ELF1: variants seen among roughly 807,000 people sequenced by gnomAD.
ELF1 encodes the protein ETS-related transcription factor Elf-1.
ELF1 carries 24 observed loss-of-function variants against 59.9 expected under a neutral mutation model. The observed-to-expected ratio is 0.40, with a 90% confidence interval of 0.29 to 0.56. The LOEUF (loss-of-function observed/expected upper bound fraction) is 0.56, where lower values mean the gene tolerates loss of function less well. Among genes scored for constraint, ELF1 ranks in the 20% least tolerant of loss-of-function variants. The pLI is 0.44. For missense variants in ELF1, 627 were observed against 742.2 expected, an observed-to-expected ratio of 0.84 and a Z score of 1.80; for synonymous variants, 248 against 266.2, an observed-to-expected ratio of 0.93 and a Z score of 0.67.
At chr13:40,975,553 A>C (rs1872855340) in intron 2 of ELF1, among the ~76,000 whole-genome samples, 1 of 152,344 alleles carries the variant, frequency 6.6e-6, no homozygotes, top group Non-Finnish European at 1.5e-5. Context: ...TTTCCACTAA[A>C]TGTACAACAG....
chr13:41,044,948 A>C (rs1204296373), intron 1 of ELF1, among the ~76,000 whole-genome samples: 1 of 152,076 alleles, frequency 6.6e-6, no homozygotes, highest in African/African-American at 2.4e-5. Context: ...TTGGTAGGCT[A>C]TTAATTATTT....
At chr13:41,053,381 C>T (rs1332141793) in intron 1 of ELF1, among the ~76,000 whole-genome samples, 1 of 151,906 alleles carries the variant, frequency 6.6e-6, no homozygotes, top group African/African-American at 2.4e-5. Flanking sequence ...AGATCATTAA[C>T]ATTATATTTG....
At chr13:41,014,919 G>C (rs1593396134) in intron 1 of ELF1, among the ~76,000 whole-genome samples, 1 of 151,756 alleles carries the variant, frequency 6.6e-6, no homozygotes, top group East Asian at 1.9e-4. Flanking sequence ...AAGCATTACA[G>C]GGTTAAAAAA....
chr13:40,996,382 T>C (rs1270823727), intron 1 of ELF1, among the ~76,000 whole-genome samples: 4 of 152,358 alleles, frequency 2.6e-5, no homozygotes, highest in African/African-American at 4.8e-5. Flanking sequence ...GCTTTATTCA[T>C]AATTGCCAAA....
chr13:41,026,751 C>A (rs540852277), intron 1 of ELF1, among the ~76,000 whole-genome samples: 1 of 152,160 alleles, frequency 6.6e-6, no homozygotes, highest in African/African-American at 2.4e-5. Flanking sequence ...CAAAGCTGGG[C>A]GTGCATAGCA....
chr13:41,024,663 A>C (rs1448983472), intron 1 of ELF1, among the ~76,000 whole-genome samples: 1 of 151,996 alleles, frequency 6.6e-6, no homozygotes, highest in Non-Finnish European at 1.5e-5. Context: ...AGGCATGAAC[A>C]ACCACACATG....
At chr13:40,995,620 G>T (rs1874089486) in intron 1 of ELF1, among the ~76,000 whole-genome samples, 1 of 149,702 alleles carries the variant, frequency 6.7e-6, no homozygotes, top group Non-Finnish European at 1.5e-5. Flanking sequence ...AAAGAAAAGA[G>T]TTTTTTCAAC....
At chr13:40,987,129 G>A (rs893479072) in intron 1 of ELF1, among the ~76,000 whole-genome samples, 6 of 149,574 alleles carry the variant, frequency 4.0e-5, no homozygotes, top group South Asian at 2.1e-4. Flanking sequence ...GTAGAGACGG[G>A]CTTTCACCGT....
intron 1 of ELF1, among the ~76,000 whole-genome samples, chr13:41,057,143 T>C (rs959004264): frequency 1.7e-5 from 2 of 119,556 alleles, no homozygotes; most frequent in Non-Finnish European, 3.3e-5. Flanking sequence ...TTTACTGAAC[T>C]TTCACGTCTT....
At chr13:40,993,528 T>G (rs1566183276) in intron 1 of ELF1, among the ~76,000 whole-genome samples, 1 of 152,210 alleles carries the variant, frequency 6.6e-6, no homozygotes, top group Non-Finnish European at 1.5e-5. Context: ...TTGCCCAGGC[T>G]GGAGGGCAGT....
Position 40,943,089 on chromosome 13 carries a change from A to G in ELF1, c.669T>C (p.Thr223=). ...FLLALLQDKA[T]CPKYIKWTQR... is the part of the protein sequence containing the mutation. ...GGGTCCACTTGATGTATTTAGGACA[A>G]GTAGCCTTGTCCTGGAGCAGTGCCA... Residue 223 remains threonine (T), a synonymous_variant, in exon 7 of 9, where the codon ACT becomes ACC. Coordinates refer to ENST00000239882, the MANE Select transcript of ELF1 (RefSeq NM_172373.4). The G allele has an allele frequency of 6.2e-7, 1 of 1,607,178 alleles. No homozygotes were observed.
intron 8 of ELF1, 75 bp from the exon 9 acceptor site, chr13:40,934,103 C>A: frequency 6.6e-7 from 1 of 1,513,782 alleles, no homozygotes; most frequent in South Asian, 1.3e-5. Flanking sequence ...CTTGACAAGT[C>A]ATTTTACAAA....
chr13:41,016,264 G>A (rs769371088), intron 1 of ELF1, among the ~76,000 whole-genome samples: 10 of 152,246 alleles, frequency 6.6e-5, no homozygotes, highest in African/African-American at 2.2e-4. Context: ...ATTTCGCACC[G>A]AATTGAGTTA....
intron 1 of ELF1, among the ~76,000 whole-genome samples, chr13:41,010,647 AAT>A (rs1469110960): frequency 6.6e-6 from 1 of 152,130 alleles, no homozygotes; most frequent in Non-Finnish European, 1.5e-5. Context: ...ATAATTTATG[AAT>A]AGTTTTTATT....
chr13:40,988,716 G>GTA (rs1226458300), intron 1 of ELF1, among the ~76,000 whole-genome samples: 3 of 152,194 alleles, frequency 2.0e-5, no homozygotes, highest in Admixed American at 2.0e-4. Flanking sequence ...AAGGAAACAT[G>GTA]TATAAGCCTT....
Position 40,933,986 on chromosome 13 carries a change from A to G in ELF1, c.1299T>C (p.Pro433=). The stretch of plus-strand genomic sequence containing the variant: ...TTACTGTATGCAACTGCTGATTCCT[A>G]GGAGACACAACCACTGGAACTTGGG... The part of the protein sequence containing the change: ...APTQVPVVVS[P]RNQQLHTVTL... Residue 433 remains proline, a synonymous_variant, in exon 9 of 9, where the codon CCT becomes CCC. Coordinates refer to ENST00000239882, the MANE Select transcript of ELF1 (RefSeq NM_172373.4). 1 of 1,614,176 alleles carries G rather than the reference A, an allele frequency of 6.2e-7. No homozygotes were observed. The highest frequency in any genetic ancestry group is 1.3e-5 in the African/African-American group (1 of 75,058).
intron 1 of ELF1, among the ~76,000 whole-genome samples, chr13:41,004,160 A>G (rs1429889998): frequency 6.6e-6 from 1 of 152,192 alleles, no homozygotes; most frequent in Non-Finnish European, 1.5e-5. Flanking sequence ...CAACATCTAA[A>G]AAGAAACAAT....
At chr13:41,008,337 T>C (rs1467717200) in intron 1 of ELF1, among the ~76,000 whole-genome samples, 1 of 152,190 alleles carries the variant, frequency 6.6e-6, no homozygotes, top group African/African-American at 2.4e-5. Flanking sequence ...TAATAAAGCA[T>C]GCCCATCACT....
chr13:41,039,335 T>TA (rs753642464), intron 1 of ELF1, among the ~76,000 whole-genome samples: 4,404 of 141,688 alleles, frequency 0.031, 162 homozygotes, highest in East Asian at 0.18. Context: ...AGTCCTTTTT[T>TA]TAAAAAAAAA....
Sources: gnomAD v4.1 joint callset for allele counts (sites outside exome capture counted in the v4.1 genomes callset) on GRCh38, gnomAD v4.1.1 for gene constraint, MANE v1.5 for transcripts, NCBI Gene and HGNC (gene_info 2026-07-23, HGNC 2026-07-21) for gene names.